LRRC4C: variants seen among roughly 807,000 people sequenced by gnomAD.
LRRC4C encodes the protein leucine rich repeat containing 4C, also known as leucine-rich repeat-containing protein 4C.
LRRC4C carries 5 observed loss-of-function variants against 33.6 expected under a neutral mutation model. The ratio of observed to expected loss-of-function variants is 0.15; its 90% confidence interval spans 0.08 to 0.31. LRRC4C has a LOEUF of 0.31. LRRC4C is among the 10% of genes least tolerant of loss of function. LRRC4C has a pLI of 1.00. For missense variants in LRRC4C, 560 were observed against 796.7 expected (o/e 0.70, Z 3.58); for synonymous variants, 329 against 302.0 (o/e 1.09, Z -0.93).
At chr11:41,038,082 T>C (rs2137927356) in intron 1 of LRRC4C, among the ~76,000 whole-genome samples, 1 of 152,312 alleles carries the variant, frequency 6.6e-6, no homozygotes, top group South Asian at 2.1e-4. Flanking sequence ...ACACTGGGAA[T>C]GGAATCCCAG....
chr11:41,437,415 G>A (rs988504222), intron 1 of LRRC4C, among the ~76,000 whole-genome samples: 21 of 133,592 alleles, frequency 1.6e-4, no homozygotes, highest in Non-Finnish European at 3.4e-4. Flanking sequence ...ACACAAACGC[G>A]CGCGCGCGCG....
At chr11:41,258,107 C>T (rs765608819) in intron 1 of LRRC4C, among the ~76,000 whole-genome samples, 3 of 151,736 alleles carry the variant, frequency 2.0e-5, no homozygotes, top group Non-Finnish European at 4.4e-5. Flanking sequence ...AAGAGGAACC[C>T]GATTTCAACA....
intron 4 of LRRC4C, among the ~76,000 whole-genome samples, chr11:40,288,893 A>T (rs189561306): frequency 3.5e-4 from 53 of 152,146 alleles, no homozygotes; most frequent in Middle Eastern, 3.4e-3. Flanking sequence ...ATATGTGGCT[A>T]AAATGACACA....
intron 2 of LRRC4C, among the ~76,000 whole-genome samples, chr11:40,922,625 A>G (rs1405132482): frequency 6.6e-6 from 1 of 152,186 alleles, no homozygotes; most frequent in Non-Finnish European, 1.5e-5. Flanking sequence ...CTAGTTTTCT[A>G]TGCTTATTTA....
chr11:40,273,804 T>C (rs1053498912), intron 4 of LRRC4C, among the ~76,000 whole-genome samples: 6 of 152,118 alleles, frequency 3.9e-5, no homozygotes, highest in African/African-American at 1.2e-4. Context: ...GATATGATTA[T>C]TGGAAACAGA....
At chr11:40,372,307 C>G (rs1948484382) in intron 3 of LRRC4C, among the ~76,000 whole-genome samples, 1 of 152,140 alleles carries the variant, frequency 6.6e-6, no homozygotes, top group South Asian at 2.1e-4. Flanking sequence ...GGTGCCTAGT[C>G]CAAGGACACT....
chr11:40,584,998 T>C (rs1284797289), intron 3 of LRRC4C, among the ~76,000 whole-genome samples: 2 of 150,970 alleles, frequency 1.3e-5, no homozygotes, highest in South Asian at 2.1e-4. Context: ...AAAGAGGTTC[T>C]TGGGGGCAGA....
At chr11:40,945,880 G>A (rs1017738893) in intron 1 of LRRC4C, among the ~76,000 whole-genome samples, 1 of 152,136 alleles carries the variant, frequency 6.6e-6, no homozygotes, top group Non-Finnish European at 1.5e-5. Flanking sequence ...ATATGAATAT[G>A]AGTTTCAAAA....
At chr11:40,339,285 C>A (rs1946762780) in intron 3 of LRRC4C, among the ~76,000 whole-genome samples, 1 of 152,092 alleles carries the variant, frequency 6.6e-6, no homozygotes, top group Non-Finnish European at 1.5e-5. Context: ...AAATAAAGAA[C>A]ACTTTGTCTT....
intron 2 of LRRC4C, among the ~76,000 whole-genome samples, chr11:40,682,253 A>C (rs759409707): frequency 6.6e-6 from 1 of 150,662 alleles, no homozygotes; most frequent in Non-Finnish European, 1.5e-5. Context: ...CTGGGTGACA[A>C]AGTGAGGCCC....
chr11:40,510,880 G>T (rs1050775903), intron 3 of LRRC4C, among the ~76,000 whole-genome samples: 1 of 152,084 alleles, frequency 6.6e-6, no homozygotes, highest in South Asian at 2.1e-4. Context: ...AAGAAAGAAA[G>T]ATTTGGATAT....
intron 4 of LRRC4C, among the ~76,000 whole-genome samples, chr11:40,245,689 A>T (rs1866274292): frequency 6.6e-6 from 1 of 152,172 alleles, no homozygotes; most frequent in African/African-American, 2.4e-5. Flanking sequence ...GCATGAATTC[A>T]ATCAAATTAT....
At position 41,051,520 on chromosome 11, in the gene LRRC4C, C is replaced by CAA. The variant is rs530003573; in HGVS notation, c.-495-117799_-495-117798dup. Among the ~76,000 whole-genome samples, 49 of 60,290 alleles carry CAA rather than the reference C, an allele frequency of 8.1e-4. 1 individual carries two copies. Among genetic ancestry groups the CAA allele is most frequent in the African/African-American group, 2.4e-3 (34 of 14,288 alleles). 39.6% of individuals were successfully genotyped at this position (60,290 alleles called of 152,430 possible). Reference sequence around the variant, plus strand: ...CTCAGTCCCTCCCAGGGTCTCAAGGCAAAAAAAAAAAAAAAAAAAAAAAAA... The same window carrying CAA: ...CTCAGTCCCTCCCAGGGTCTCAAGGCAAAAAAAAAAAAAAAAAAAAAAAAAAA... On this transcript the variant is annotated intron_variant, in intron 1 of 6. Coordinates refer to ENST00000528697, the MANE Select transcript of LRRC4C (RefSeq NM_001258419.2).
chr11:40,502,715 T>C (rs932292531), intron 3 of LRRC4C, among the ~76,000 whole-genome samples: 2 of 152,194 alleles, frequency 1.3e-5, no homozygotes, highest in Non-Finnish European at 2.9e-5. Flanking sequence ...CACATAAGCA[T>C]GCATCTCTAT....
At chr11:40,664,924 C>G (rs1331718993) in intron 2 of LRRC4C, among the ~76,000 whole-genome samples, 1 of 139,992 alleles carries the variant, frequency 7.1e-6, no homozygotes, top group Non-Finnish European at 1.5e-5. Context: ...TCCCTGCCCC[C>G]TCCCCCGACC....
intron 1 of LRRC4C, among the ~76,000 whole-genome samples, chr11:41,109,897 T>C (rs1450805142): frequency 6.6e-6 from 1 of 152,066 alleles, no homozygotes; most frequent in Non-Finnish European, 1.5e-5. Context: ...TTTTTTTGTC[T>C]TGTAGTATTG....
At chr11:40,671,683 T>C (rs1009219732) in intron 2 of LRRC4C, among the ~76,000 whole-genome samples, 3 of 34,274 alleles carry the variant, frequency 8.8e-5, no homozygotes, top group East Asian at 1.5e-3. Context: ...GTGTGTAGTA[T>C]ATATATATGT....
At chr11:41,160,266 G>A (rs1204379492) in intron 1 of LRRC4C, among the ~76,000 whole-genome samples, 1 of 151,746 alleles carries the variant, frequency 6.6e-6, no homozygotes, top group East Asian at 1.9e-4. Flanking sequence ...CTACCAGGGA[G>A]ACTGAGATAA....
At chr11:40,348,447 G>T (rs1359857876) in intron 3 of LRRC4C, among the ~76,000 whole-genome samples, 1 of 152,156 alleles carries the variant, frequency 6.6e-6, no homozygotes, top group African/African-American at 2.4e-5. Context: ...AGCTTAGCTT[G>T]TCTCTCAGAA....
Sources: gnomAD v4.1 joint callset for allele counts (sites outside exome capture counted in the v4.1 genomes callset) on GRCh38, gnomAD v4.1.1 for gene constraint, MANE v1.5 for transcripts, NCBI Gene and HGNC (gene_info 2026-07-23, HGNC 2026-07-21) for gene names.